The following DIMT1 variants were observed in gnomAD, a reference collection of about 807,000 sequenced individuals.
DIMT1 encodes DIM1 rRNA methyltransferase and ribosome maturation factor, also known as dimethyladenosine transferase.
A neutral mutation model predicts 43.2 loss-of-function variants in DIMT1; 36 were observed. The observed-to-expected ratio is 0.83, with a 90% CI of 0.64 to 1.10. DIMT1 has a LOEUF of 1.10. Among genes scored for constraint, DIMT1 ranks in the 50% least tolerant of loss-of-function variants. The pLI, the probability that DIMT1 is intolerant of heterozygous loss-of-function variation, is 0.00. For missense variants in DIMT1, 341 were observed against 385.3 expected (o/e 0.88, Z 0.96); for synonymous variants, 126 against 130.3 (o/e 0.97, Z 0.22).
chr5:62,394,940 CA>C (rs1342972414), intron 6 of DIMT1, among the ~76,000 whole-genome samples: 1 of 151,722 alleles, frequency 6.6e-6, no homozygotes, highest in African/African-American at 2.4e-5. Flanking sequence ...TATGGGGTAG[CA>C]AACACCTTTA....
In DIMT1 at chr5:62,401,578, TC is replaced by T. The variant is rs1335473748; in HGVS notation, c.240+457del. Among the ~76,000 whole-genome samples the T allele has an allele frequency of 1.5e-3, 221 of 145,904 alleles. 1 individual carries two copies. Among genetic ancestry groups the T allele is most frequent in the African/African-American group, 5.3e-3 (209 of 39,806 alleles). On this transcript the variant is annotated intron_variant, in intron 3 of 11. Transcript: ENST00000199320. The stretch of plus-strand genomic sequence containing the variant: ...TTCCTCACTGAAATATCTCATATTT[TC>T]CTTTTTTTTTTTTTTTTTTTTTGAG...
chr5:62,395,171 C>T (rs892473232), intron 6 of DIMT1, among the ~76,000 whole-genome samples: 3 of 151,860 alleles, frequency 2.0e-5, no homozygotes, highest in Non-Finnish European at 2.9e-5. Context: ...ATTACAGGCG[C>T]ACACTACCAC....
intron 3 of DIMT1, among the ~76,000 whole-genome samples, chr5:62,400,828 G>A (rs894808556): frequency 4.6e-5 from 7 of 152,036 alleles, no homozygotes; most frequent in East Asian, 1.9e-4. Context: ...GCAGGATCAT[G>A]GCTCACTGGA....
rs1323445470 is a variant in DIMT1, at chr5:62,387,684, T to C, written c.*1326A>G. On this transcript the variant is annotated 3_prime_UTR_variant, in exon 12 of 12. Transcript: ENST00000199320. ...AAGCCGAGTTAAATCTTAAAATTTT[T>C]ACTATAAGGATAGAGATGATACAAG... The C allele has an allele frequency of 6.6e-6, 1 of 152,188 alleles. No individual in the cohort carries two copies. Among genetic ancestry groups the C allele is most frequent in the Non-Finnish European group, 1.5e-5 (1 of 68,032 alleles). The allele number at this position is 152,188 out of a possible 1,614,324, so 9.4% of individuals were successfully genotyped here. A position where few individuals can be genotyped will look rare whatever the true frequency, so the allele number is the denominator to read the frequency against.
At chr5:62,400,120 C>T (rs779657694) in intron 3 of DIMT1, among the ~76,000 whole-genome samples, 14 of 152,140 alleles carry the variant, frequency 9.2e-5, no homozygotes, top group Non-Finnish European at 1.8e-4. Flanking sequence ...TAGTATGTCA[C>T]ATCTACTGAG....
At position 62,402,107 on chromosome 5, in the gene DIMT1, T is replaced by C; in HGVS notation, c.169A>G (p.Thr57Ala). 1 of 1,613,948 alleles carries C rather than the reference T, an allele frequency of 6.2e-7. No individual in the cohort carries two copies. The highest frequency in any genetic ancestry group is 8.5e-7 in the Non-Finnish European group (1 of 1,179,918). Reference protein sequence around the residue: ...SIIDKAALRPTDVVLEVGPGT... With the variant: ...SIIDKAALRPADVVLEVGPGT... ...GGTCCAACTTCCAGCACTACATCAGTTGGTCTTAAGGCAGCCTAAAAGCAA... is the reference window on the plus strand; with the variant it reads ...GGTCCAACTTCCAGCACTACATCAGCTGGTCTTAAGGCAGCCTAAAAGCAA... Residue 57 changes from threonine (T) to alanine (A), a missense_variant, in exon 3 of 12, where the codon ACT (threonine) becomes GCT (alanine). Transcript: ENST00000199320.
chr5:62,389,074 G>T, intron 11 of DIMT1, 22 bp from the exon 12 acceptor site: 1 of 1,605,518 alleles, frequency 6.2e-7, no homozygotes, highest in Non-Finnish European at 8.5e-7. Context: ...AATCAAAATG[G>T]AATGGTACTG....
intron 3 of DIMT1, among the ~76,000 whole-genome samples, chr5:62,400,448 C>T (rs1400366648): frequency 6.6e-6 from 1 of 152,090 alleles, no homozygotes; most frequent in Admixed American, 6.5e-5. Flanking sequence ...AGACGGGTCT[C>T]TCTATGTTGC....
intron 1 of DIMT1, 127 bp from the exon 2 acceptor site, chr5:62,403,473 A>T (rs1471907318): frequency 9.8e-7 from 1 of 1,015,876 alleles, no homozygotes; most frequent in East Asian, 2.5e-5. Flanking sequence ...ACGTCACGCC[A>T]GGACTGACAA....
At chr5:62,392,334 C>A in intron 9 of DIMT1, 100 bp from the exon 10 acceptor site, 1 of 862,928 alleles carries the variant, frequency 1.2e-6, no homozygotes, top group South Asian at 1.6e-5. Flanking sequence ...GCCATTTAAG[C>A]AATAATTTCA....
intron 10 of DIMT1, chr5:62,391,378 A>G (rs1241902235): frequency 6.0e-6 from 1 of 167,524 alleles, no homozygotes; most frequent in African/African-American, 2.4e-5. Context: ...TGACCTGCCC[A>G]AGCCTTGGGA....
Position 62,396,215 on chromosome 5 carries a change from A to C in DIMT1, c.447-1608T>G, listed in dbSNP as rs533011782. ...TTTTTTAAGACTGGGAAACGAAAAT[A>C]AATCAGAAGGGCTGGGCACCATGGT... On this transcript the variant is annotated intron_variant, in intron 6 of 11. Coordinates refer to ENST00000199320, the MANE Select transcript of DIMT1 (RefSeq NM_014473.4). 1.4e-4 allele frequency among the ~76,000 whole-genome samples: 20 copies of C among 146,374 alleles called. No homozygotes were observed. In the East Asian group the frequency reaches 4.2e-3, roughly 30 times the overall value.
chr5:62,391,861 G>C (rs1742315328), intron 10 of DIMT1: 2 of 1,505,078 alleles, frequency 1.3e-6, no homozygotes, highest in Non-Finnish European at 1.8e-6. Flanking sequence ...AGTTGTGCAA[G>C]CTACACATAT....
At chr5:62,394,283 T>C (rs1159908587) in intron 7 of DIMT1, among the ~76,000 whole-genome samples, 3 of 152,124 alleles carry the variant, frequency 2.0e-5, no homozygotes, top group East Asian at 3.8e-4. Flanking sequence ...CTGGGCAACA[T>C]AGCAAAACTC....
chr5:62,392,285 TTTC>T (rs771935080), intron 9 of DIMT1, 51 bp from the exon 10 acceptor site: 19 of 1,531,362 alleles, frequency 1.2e-5, no homozygotes, highest in Middle Eastern at 1.7e-4. Context: ...GTCAGAGTAA[TTTC>T]TTACTTTTTT....
Position 62,392,918 on chromosome 5 carries a change from A to G in DIMT1, c.728+8T>C, listed in dbSNP as rs1419148733. 2 of 1,597,448 alleles carry G rather than the reference A, an allele frequency of 1.3e-6. No homozygotes were observed. Among genetic ancestry groups the G allele is most frequent in the East Asian group, 4.5e-5 (2 of 44,712 alleles). On this transcript the variant is annotated splice_region_variant and intron_variant, in intron 9 of 11. Transcript: ENST00000199320. Reference sequence around the variant, plus strand: ...CCTTTATACATTAGAAATTAGTGTAATACTTACTTAAATGCAGCAGAGAGT... The same window carrying G: ...CCTTTATACATTAGAAATTAGTGTAGTACTTACTTAAATGCAGCAGAGAGT...
rs765175695 is a variant in DIMT1 at position 62,398,874 on chromosome 5, G to C, written c.248C>G (p.Ala83Gly). 1.2e-6 allele frequency: 2 copies of C among 1,610,028 alleles called. No homozygotes were observed. Among genetic ancestry groups the C allele is most frequent in the Non-Finnish European group, 1.7e-6 (2 of 1,177,962 alleles). Residue 83 changes from alanine to glycine, a missense_variant, in exon 4 of 12, where the codon GCT becomes GGT. Ala to Gly is a moderately conservative substitution (Grantham distance 60, BLOSUM62 0). Transcript: ENST00000199320. ...KLLEKAKKVV[A>G]CELDPRLVAE... is the part of the protein sequence containing the mutation. Reference sequence around the variant, plus strand: ...TACTAGCCTTGGGTCAAGTTCACAAGCAACAACCTAATTTAAAAAAAATAA... The same window carrying C: ...TACTAGCCTTGGGTCAAGTTCACAACCAACAACCTAATTTAAAAAAAATAA...
At position 62,394,296 on chromosome 5, in the gene DIMT1, T is replaced by A. The variant is rs112819210; in HGVS notation, c.570+188A>T. Among the ~76,000 whole-genome samples the A allele has an allele frequency of 2.4e-3, 368 of 152,284 alleles. 4 individuals are homozygous for A. Among genetic ancestry groups the A allele is most frequent in the African/African-American group, 8.6e-3 (357 of 41,566 alleles). ...ACCTGGGCAACATAGCAAAACTCTG[T>A]GTCTACAAAAAATACCAAAAAATTA... On this transcript the variant is annotated intron_variant, in intron 7 of 11. Coordinates refer to ENST00000199320, the MANE Select transcript of DIMT1 (RefSeq NM_014473.4).
intron 3 of DIMT1, 121 bp downstream of exon 3, chr5:62,401,915 A>G: frequency 1.0e-6 from 1 of 975,936 alleles, no homozygotes; most frequent in South Asian, 1.6e-5. Context: ...AAAATTTCCA[A>G]CAAGGGATCA....
Sources: gnomAD v4.1 joint callset for allele counts (sites outside exome capture counted in the v4.1 genomes callset) on GRCh38, gnomAD v4.1.1 for gene constraint, MANE v1.5 for transcripts, NCBI Gene and HGNC (gene_info 2026-07-23, HGNC 2026-07-21) for gene names.